FARS2: variants seen among roughly 807,000 people sequenced by gnomAD.
FARS2 encodes the protein phenylalanyl-tRNA synthetase 2, mitochondrial, also known as phenylalanine--tRNA ligase, mitochondrial.
Under a neutral mutation model 46.4 loss-of-function variants are expected in FARS2, and 40 were observed. The ratio of observed to expected loss-of-function variants is 0.86; its 90% CI spans 0.67 to 1.12. FARS2 has a LOEUF of 1.12. FARS2 is among the 50% of genes most tolerant of loss of function. The probability of loss-of-function intolerance (pLI) is 0.00; values close to 1 mark genes in which losing one functional copy is unlikely to be tolerated. For synonymous variants in FARS2, 234 were observed against 214.9 expected, an observed-to-expected ratio of 1.09 and a Z score of -0.78; for missense variants, 513 against 567.9, an observed-to-expected ratio of 0.90 and a Z score of 0.98.
At chr6:5,354,760 G>T (rs1436453735) in intron 1 of FARS2, among the ~76,000 whole-genome samples, 1 of 152,076 alleles carries the variant, frequency 6.6e-6, no homozygotes, top group African/African-American at 2.4e-5. Context: ...TGATCCACCT[G>T]CCTCGGCCTC....
At position 5,663,804 on chromosome 6, in the gene FARS2, A is replaced by C. The variant is rs750625818; in HGVS notation, c.1217+50484A>C. Among the ~76,000 whole-genome samples the C allele has an allele frequency of 1.4e-4, 22 of 152,378 alleles. 1 individual carries two copies. Among genetic ancestry groups the C allele is most frequent in the Admixed American group, 2.0e-4 (3 of 15,310 alleles). On this transcript the variant is annotated intron_variant, in intron 6 of 6. Coordinates refer to ENST00000274680, the MANE Select transcript of FARS2 (RefSeq NM_006567.5). ...TCTTTGAAATGATATGAGGGGAGCC[A>C]GAGACAGACATGGAGGTGAGCAGGA...
chr6:5,294,869 A>G lies in FARS2; in HGVS notation c.-22+33209A>G, dbSNP rs191767260. On this transcript the variant is annotated intron_variant, in intron 1 of 6. Coordinates refer to ENST00000274680, the MANE Select transcript of FARS2 (RefSeq NM_006567.5). Reference sequence around the variant, plus strand: ...GTTTTTACGGAAGCTTCATGACATCAGCATTCCTTCCCCCAAAGTATAGGG... The same window carrying G: ...GTTTTTACGGAAGCTTCATGACATCGGCATTCCTTCCCCCAAAGTATAGGG... Among the ~76,000 whole-genome samples the G allele has an allele frequency of 1.1e-3, 170 of 152,208 alleles. 1 individual carries two copies. The highest frequency in any genetic ancestry group is 3.7e-3 in the African/African-American group (152 of 41,520).
At chr6:5,578,824 A>C (rs1343536634) in intron 5 of FARS2, among the ~76,000 whole-genome samples, 17 of 57,296 alleles carry the variant, frequency 3.0e-4, no homozygotes, top group Admixed American at 1.1e-3. Context: ...AAAAAAAAAA[A>C]AAAAAAAAAC....
chr6:5,648,423 A>G (rs185674351), intron 6 of FARS2, among the ~76,000 whole-genome samples: 1 of 152,014 alleles, frequency 6.6e-6, no homozygotes, highest in East Asian at 1.9e-4. Context: ...TTCTCTCCCT[A>G]CCTGGGATGC....
chr6:5,381,422 G>A (rs866856937), intron 2 of FARS2, among the ~76,000 whole-genome samples: 31 of 120,830 alleles, frequency 2.6e-4, no homozygotes, highest in African/African-American at 4.0e-4. Flanking sequence ...CACACACACA[G>A]ATGCAGAATT....
chr6:5,509,637 G>C (rs1185543880), intron 4 of FARS2, among the ~76,000 whole-genome samples: 1 of 152,182 alleles, frequency 6.6e-6, no homozygotes. Flanking sequence ...ATGGAGAAAA[G>C]GATGTCCAGA....
At chr6:5,475,696 C>G (rs1026983889) in intron 4 of FARS2, among the ~76,000 whole-genome samples, 1 of 152,184 alleles carries the variant, frequency 6.6e-6, no homozygotes, top group African/African-American at 2.4e-5. Flanking sequence ...AGCTGAGTCT[C>G]TGCTCTTACT....
intron 4 of FARS2, among the ~76,000 whole-genome samples, chr6:5,468,120 A>G (rs1204001264): frequency 6.6e-6 from 1 of 152,214 alleles, no homozygotes; most frequent in Non-Finnish European, 1.5e-5. Context: ...CCCAAGAGTT[A>G]TGGTGACATG....
chr6:5,309,318 T>C (rs903783085), intron 1 of FARS2, among the ~76,000 whole-genome samples: 1 of 151,998 alleles, frequency 6.6e-6, no homozygotes, highest in Admixed American at 6.6e-5. Context: ...GAGGCAGGGA[T>C]GGGGTACTCT....
chr6:5,351,783 G>A (rs961671942), intron 1 of FARS2, among the ~76,000 whole-genome samples: 11 of 152,202 alleles, frequency 7.2e-5, no homozygotes, highest in East Asian at 3.9e-4. Flanking sequence ...TGACCATTGC[G>A]CAATGTGAAA....
chr6:5,505,162 A>T (rs2150390057), intron 4 of FARS2, among the ~76,000 whole-genome samples: 1 of 152,326 alleles, frequency 6.6e-6, no homozygotes, highest in South Asian at 2.1e-4. Context: ...TTATATGGCT[A>T]TTTTATTAAT....
At position 5,363,594 on chromosome 6, in the gene FARS2, T is replaced by C. The variant is rs1758458711; in HGVS notation, c.-21-4956T>C. Among the ~76,000 whole-genome samples the C allele has an allele frequency of 2.0e-5, 3 of 152,164 alleles. No homozygotes were observed. In the South Asian group the frequency reaches 6.2e-4, roughly 32 times the overall value. The stretch of plus-strand genomic sequence containing the variant: ...ATATATGTGTTTGTGTGTTCTACTC[T>C]CAAGAACCACACAGGCTAGTAGGAA... On this transcript the variant is annotated intron_variant, in intron 1 of 6. Transcript: ENST00000274680.
intron 5 of FARS2, among the ~76,000 whole-genome samples, chr6:5,599,886 C>CTTTT: frequency 7.0e-6 from 1 of 143,762 alleles, no homozygotes; most frequent in East Asian, 2.0e-4. Flanking sequence ...AGGCTTGCTT[C>CTTTT]TTTTTTTTTT....
At chr6:5,638,455 C>T (rs935273107) in intron 6 of FARS2, among the ~76,000 whole-genome samples, 1 of 152,192 alleles carries the variant, frequency 6.6e-6, no homozygotes, top group Non-Finnish European at 1.5e-5. Flanking sequence ...GTCCCAGCTA[C>T]TTGGGAAGCT....
intron 5 of FARS2, among the ~76,000 whole-genome samples, chr6:5,583,610 TC>T (rs1773454045): frequency 6.6e-6 from 1 of 152,252 alleles, no homozygotes; most frequent in Non-Finnish European, 1.5e-5. Context: ...AAGCCTTACT[TC>T]CAGGTACTGT....
chr6:5,755,807 A>G (rs1762173545), intron 6 of FARS2, among the ~76,000 whole-genome samples: 1 of 152,186 alleles, frequency 6.6e-6, no homozygotes, highest in Non-Finnish European at 1.5e-5. Context: ...CAGGTCTTCA[A>G]GGGTTAGCAC....
intron 6 of FARS2, among the ~76,000 whole-genome samples, chr6:5,760,931 C>A (rs867142704): frequency 6.6e-6 from 1 of 152,230 alleles, no homozygotes; most frequent in African/African-American, 2.4e-5. Context: ...TTGTACACAG[C>A]CTGTCCTCTT....
intron 2 of FARS2, among the ~76,000 whole-genome samples, chr6:5,394,107 T>A (rs997960679): frequency 6.6e-6 from 1 of 152,210 alleles, no homozygotes; most frequent in Non-Finnish European, 1.5e-5. Context: ...AGGGGACTAT[T>A]TAAGCTTCAG....
intron 6 of FARS2, among the ~76,000 whole-genome samples, chr6:5,658,265 A>C (rs1777694689): frequency 6.6e-6 from 1 of 152,184 alleles, no homozygotes; most frequent in African/African-American, 2.4e-5. Flanking sequence ...TCAAAAAAAA[A>C]AAAAAAAGAG....
Sources: gnomAD v4.1 joint callset for allele counts (sites outside exome capture counted in the v4.1 genomes callset) on GRCh38, gnomAD v4.1.1 for gene constraint, MANE v1.5 for transcripts, NCBI Gene and HGNC (gene_info 2026-07-23, HGNC 2026-07-21) for gene names.